Variants in NTM observed in about 807,000 individuals in gnomAD.
NTM encodes the protein neurotrimin.
NTM carries 13 observed loss-of-function variants against 42.1 expected under a neutral mutation model. The observed-to-expected ratio is 0.31, with a 90% CI of 0.20 to 0.49. NTM has a LOEUF of 0.49. NTM is among the 20% of genes least tolerant of loss of function. The probability of loss-of-function intolerance (pLI) is 0.99; values close to 1 mark genes in which losing one functional copy is unlikely to be tolerated. For missense variants in NTM, 373 were observed against 452.8 expected, an observed-to-expected ratio of 0.82 and a Z score of 1.60; for synonymous variants, 187 against 179.2, an observed-to-expected ratio of 1.04 and a Z score of -0.35.
At chr11:131,847,724 AAAAAAT>A (rs1446767920) in intron 1 of NTM, among the ~76,000 whole-genome samples, 1 of 152,052 alleles carries the variant, frequency 6.6e-6, no homozygotes, top group Non-Finnish European at 1.5e-5. Context: ...AAATACCAAA[AAAAAAT>A]AAAAATAAAA....
intron 8 of NTM, among the ~76,000 whole-genome samples, chr11:132,331,925 A>G (rs1240810424): frequency 1.3e-5 from 2 of 152,136 alleles, no homozygotes; most frequent in Non-Finnish European, 2.9e-5. Context: ...AGGGCACCAA[A>G]CTAGGTGTGG....
At chr11:131,816,828 G>A (rs973491223) in intron 1 of NTM, among the ~76,000 whole-genome samples, 3 of 133,768 alleles carry the variant, frequency 2.2e-5, no homozygotes, top group African/African-American at 8.7e-5. Flanking sequence ...TTTAGGTCAA[G>A]GGTCCATACT....
intron 1 of NTM, among the ~76,000 whole-genome samples, chr11:131,445,427 T>C (rs1171399360): frequency 1.3e-5 from 2 of 152,168 alleles, no homozygotes; most frequent in African/African-American, 4.8e-5. Context: ...GTTGAAGAGA[T>C]GAGGTGAGAA....
At chr11:132,115,271 T>C (rs2136827125) in intron 2 of NTM, among the ~76,000 whole-genome samples, 1 of 152,148 alleles carries the variant, frequency 6.6e-6, no homozygotes, top group Admixed American at 6.5e-5. Context: ...ATACTTGAAG[T>C]ATATTGAGAG....
chr11:131,517,347 C>T (rs1295654473), intron 1 of NTM, among the ~76,000 whole-genome samples: 8 of 152,296 alleles, frequency 5.3e-5, no homozygotes, highest in Non-Finnish European at 4.4e-5. Context: ...GACTCAGAAA[C>T]TCCCTTTCCT....
chr11:131,722,023 G>GAGAA (rs2078416277), intron 1 of NTM, among the ~76,000 whole-genome samples: 1 of 96,402 alleles, frequency 1.0e-5, no homozygotes, highest in Non-Finnish European at 2.1e-5. Context: ...AAAAAAAAAA[G>GAGAA]AGAGAAAGAA....
At chr11:131,692,158 G>A (rs2074853229) in intron 1 of NTM, among the ~76,000 whole-genome samples, 1 of 152,234 alleles carries the variant, frequency 6.6e-6, no homozygotes, top group Non-Finnish European at 1.5e-5. Context: ...TCTAGGGCTT[G>A]AAACCTTCCC....
chr11:131,484,115 C>T (rs1368675664), intron 1 of NTM, among the ~76,000 whole-genome samples: 1 of 152,154 alleles, frequency 6.6e-6, no homozygotes, highest in East Asian at 1.9e-4. Flanking sequence ...GTCTCCTGGG[C>T]TTAAATACAT....
At chr11:131,793,114 A>G (rs566300601) in intron 1 of NTM, among the ~76,000 whole-genome samples, 1 of 152,312 alleles carries the variant, frequency 6.6e-6, no homozygotes, top group East Asian at 1.9e-4. Flanking sequence ...ATCGATCTAC[A>G]TAAAAAATAA....
chr11:131,532,688 G>A (rs2051472762), intron 1 of NTM, among the ~76,000 whole-genome samples: 1 of 152,238 alleles, frequency 6.6e-6, no homozygotes, highest in South Asian at 2.1e-4. Context: ...CTCACCAACA[G>A]TGTACAAGGG....
chr11:131,438,682 C>A (rs1249699071), intron 1 of NTM, among the ~76,000 whole-genome samples: 1 of 152,164 alleles, frequency 6.6e-6, no homozygotes, highest in Non-Finnish European at 1.5e-5. Flanking sequence ...AGCCATTCGT[C>A]TAATCTTTTT....
intron 1 of NTM, among the ~76,000 whole-genome samples, chr11:131,547,492 A>C (rs528961078): frequency 2.8e-4 from 43 of 152,282 alleles, no homozygotes; most frequent in Non-Finnish European, 4.9e-4. Context: ...ACCGTGGGTG[A>C]CAGTGGGATG....
chr11:131,423,222 T>G (rs1947717660), intron 1 of NTM, among the ~76,000 whole-genome samples: 1 of 152,316 alleles, frequency 6.6e-6, no homozygotes, highest in East Asian at 1.9e-4. Flanking sequence ...AACTCTAGGA[T>G]GTAGGACCTA....
chr11:132,183,832 G>A (rs2077983647), intron 3 of NTM, among the ~76,000 whole-genome samples: 1 of 151,932 alleles, frequency 6.6e-6, no homozygotes, highest in South Asian at 2.1e-4. Flanking sequence ...GTTAAAGGCA[G>A]TAGCGATTTC....
At chr11:131,954,363 C>A (rs914379442) in intron 2 of NTM, among the ~76,000 whole-genome samples, 2 of 152,208 alleles carry the variant, frequency 1.3e-5, no homozygotes, top group East Asian at 1.9e-4. Flanking sequence ...CTTCCCATCA[C>A]AGCAGTGAGG....
At chr11:131,484,478 C>A (rs1384060512) in intron 1 of NTM, among the ~76,000 whole-genome samples, 1 of 152,172 alleles carries the variant, frequency 6.6e-6, no homozygotes. Flanking sequence ...GAGGACACAG[C>A]GCTGCTTCGG....
At chr11:131,900,051 A>C (rs750525801) in intron 1 of NTM, among the ~76,000 whole-genome samples, 1 of 152,258 alleles carries the variant, frequency 6.6e-6, no homozygotes, top group Non-Finnish European at 1.5e-5. Flanking sequence ...TTAGACCATT[A>C]CATGTATTCT....
At chr11:132,073,547 G>C (rs1008049298) in intron 2 of NTM, among the ~76,000 whole-genome samples, 1 of 152,142 alleles carries the variant, frequency 6.6e-6, no homozygotes, top group African/African-American at 2.4e-5. Flanking sequence ...GGAATATAGG[G>C]CCAGTTAAAT....
rs1285432799 is a variant in NTM, at chr11:132,304,353, CT to C, written c.527-3334del. Among the ~76,000 whole-genome samples the C allele has an allele frequency of 2.0e-5, 3 of 151,444 alleles. No homozygotes were observed. The East Asian group carries it at 5.8e-4, about 29-fold the overall frequency. ...TAGGGTTATATCAAGTGGTTTGCCT[CT>C]TCCCCACTGATGTCTCTTAACCAAG... On this transcript the variant is annotated intron_variant, in intron 4 of 8. Coordinates refer to ENST00000683400, the MANE Select transcript of NTM (RefSeq NM_001352005.2).
Sources: gnomAD v4.1 joint callset for allele counts (sites outside exome capture counted in the v4.1 genomes callset) on GRCh38, gnomAD v4.1.1 for gene constraint, MANE v1.5 for transcripts, NCBI Gene and HGNC (gene_info 2026-07-23, HGNC 2026-07-21) for gene names.